ETFBKMT: variants seen among roughly 807,000 people sequenced by gnomAD.
ETFBKMT encodes electron transfer flavoprotein subunit beta lysine methyltransferase, also known as electron transfer flavoprotein beta subunit lysine methyltransferase.
Under a neutral mutation model 18.3 loss-of-function variants are expected in ETFBKMT, and 13 were observed. The observed-to-expected ratio is 0.71, with a 90% confidence interval of 0.46 to 1.13. ETFBKMT has a LOEUF of 1.13. Among genes scored for constraint, ETFBKMT ranks in the 50% most tolerant of loss-of-function variants. ETFBKMT has a pLI of 0.00. For synonymous variants in ETFBKMT, 84 were observed against 107.9 expected (o/e 0.78, Z 1.37); for missense variants, 293 against 306.2 (o/e 0.96, Z 0.32).
At position 31,662,275 on chromosome 12, in the gene ETFBKMT, C is replaced by T; in HGVS notation, c.314+8C>T. ...AGGCCAAGCCCTGTCTAGGTACTAC[C>T]CTAATGAAACCTTTAAGGCGCTACA... On this transcript the variant is annotated splice_region_variant and intron_variant, in intron 2 of 3. Coordinates refer to ENST00000357721, the MANE Select transcript of ETFBKMT (RefSeq NM_001135863.2). The T allele has an allele frequency of 6.2e-7, 1 of 1,612,072 alleles. No homozygotes were observed. The highest frequency in any genetic ancestry group is 1.1e-5 in the South Asian group (1 of 91,030).
At chr12:31,658,629 T>C (rs1165132290), upstream of ETFBKMT, among the ~76,000 whole-genome samples, 1 of 152,190 alleles carries the variant, frequency 6.6e-6, no homozygotes, top group African/African-American at 2.4e-5. Flanking sequence ...AACTGCAAAC[T>C]AAAATGCAGA....
chr12:31,665,125 T>A (rs1160577942), intron 2 of ETFBKMT, among the ~76,000 whole-genome samples: 1 of 143,366 alleles, frequency 7.0e-6, no homozygotes, highest in South Asian at 2.2e-4. Flanking sequence ...TTAGTAGAGA[T>A]GGGATTTCAC....
intron 2 of ETFBKMT, among the ~76,000 whole-genome samples, chr12:31,662,505 CTTTTTTT>C (rs35366747): frequency 5.0e-4 from 64 of 128,838 alleles, no homozygotes; most frequent in Admixed American, 4.9e-4. Context: ...TTCTTTCTTT[CTTTTTTT>C]TTTTTTTTTT....
upstream of ETFBKMT, among the ~76,000 whole-genome samples, chr12:31,655,867 G>A (rs1951057896): frequency 6.6e-6 from 1 of 152,176 alleles, no homozygotes; most frequent in South Asian, 2.1e-4. Flanking sequence ...AACCTGGATT[G>A]ATTGAGATTC....
rs757210818 is a variant in ETFBKMT at position 31,667,636 on chromosome 12, T to C, written c.446-11T>C. On this transcript the variant is annotated splice_polypyrimidine_tract_variant and intron_variant, in intron 3 of 3. Coordinates refer to ENST00000357721, the MANE Select transcript of ETFBKMT (RefSeq NM_001135863.2). Reference sequence around the variant, plus strand: ...TATACCAATTCATTTTGTGCTTTTTTTTTTTTTAAGTTGCAGGAATGGCTA... The same window carrying C: ...TATACCAATTCATTTTGTGCTTTTTCTTTTTTTAAGTTGCAGGAATGGCTA... 2 of 1,573,308 alleles carry C rather than the reference T, an allele frequency of 1.3e-6. No individual in the cohort carries two copies. Among genetic ancestry groups the C allele is most frequent in the Non-Finnish European group, 1.7e-6 (2 of 1,160,386 alleles).
intron 1 of ETFBKMT, among the ~76,000 whole-genome samples, chr12:31,647,425 C>T (rs146089617): frequency 3.9e-5 from 6 of 152,352 alleles, no homozygotes; most frequent in African/African-American, 1.4e-4. Context: ...CCCAACTCTA[C>T]TGCCAGCTAT....
chr12:31,672,402 T>C lies in ETFBKMT; in HGVS notation c.*4412T>C, dbSNP rs776362256. ...TCTATAAAAGAAAACAATGACAATA[T>C]ATTAATTGACAATAAAAAATGTTTA... On this transcript the variant is annotated 3_prime_UTR_variant, in exon 4 of 4. Coordinates refer to ENST00000357721, the MANE Select transcript of ETFBKMT (RefSeq NM_001135863.2). 2 of 1,483,950 alleles carry C rather than the reference T, an allele frequency of 1.3e-6. No homozygotes were observed. The highest frequency in any genetic ancestry group is 1.9e-5 in the Admixed American group (1 of 51,596). 91.9% of individuals were successfully genotyped at this position (1,483,950 alleles called of 1,614,324 possible).
At chr12:31,663,115 C>T (rs1951148755) in intron 2 of ETFBKMT, among the ~76,000 whole-genome samples, 1 of 151,010 alleles carries the variant, frequency 6.6e-6, no homozygotes, top group African/African-American at 2.4e-5. Flanking sequence ...TTTTTTGAGA[C>T]AGAGTCTCAC....
rs1292040838 is a variant in ETFBKMT, at chr12:31,666,161, C to T, written c.389C>T (p.Ala130Val). Residue 130 changes from alanine (A) to valine (V), a missense_variant, in exon 3 of 4, where the codon GCT (alanine) becomes GTT (valine). Coordinates refer to ENST00000357721, the MANE Select transcript of ETFBKMT (RefSeq NM_001135863.2). ...CTTGGGAGTGGATGTGGAGCTACAG[C>T]TATTGCTGCTAAGATGAGTGGGGCA... ...LDLGSGCGAT[A>V]IAAKMSGASR... The T allele has an allele frequency of 1.2e-6, 2 of 1,614,098 alleles. No homozygotes were observed. Among genetic ancestry groups the T allele is most frequent in the East Asian group, 2.2e-5 (1 of 44,886 alleles).
intron 2 of ETFBKMT, among the ~76,000 whole-genome samples, chr12:31,664,939 CTTT>C (rs57572915): frequency 1.6e-5 from 2 of 121,480 alleles, no homozygotes; most frequent in Non-Finnish European, 1.7e-5. Context: ...TTCTTTCTTT[CTTT>C]TTTTTTTTTT....
chr12:31,663,096 ATT>A (rs563592807), intron 2 of ETFBKMT, among the ~76,000 whole-genome samples: 3 of 147,220 alleles, frequency 2.0e-5, no homozygotes, highest in Non-Finnish European at 1.5e-5. Context: ...ACAAAAAAAA[ATT>A]TTTTTTTTTT....
At chr12:31,648,467 T>G (rs1950986044) in intron 1 of ETFBKMT, among the ~76,000 whole-genome samples, 2 of 151,392 alleles carry the variant, frequency 1.3e-5, no homozygotes, top group Admixed American at 6.6e-5. Context: ...GTTCAAGCGA[T>G]TCTCCTGCCT....
intron 2 of ETFBKMT, among the ~76,000 whole-genome samples, chr12:31,664,762 T>C (rs1177341621): frequency 1.3e-5 from 2 of 149,186 alleles, no homozygotes; most frequent in Non-Finnish European, 3.0e-5. Context: ...ATTACAGGCA[T>C]GTACCACCAC....
chr12:31,663,370 C>T (rs556529520), intron 2 of ETFBKMT, among the ~76,000 whole-genome samples: 3 of 151,688 alleles, frequency 2.0e-5, no homozygotes, highest in South Asian at 4.1e-4. Flanking sequence ...GGATTACAGG[C>T]GTGAGCCACC....
At chr12:31,655,676 A>C (rs1335244196), upstream of ETFBKMT, among the ~76,000 whole-genome samples, 1 of 152,214 alleles carries the variant, frequency 6.6e-6, no homozygotes, top group African/African-American at 2.4e-5. Flanking sequence ...CACTAATTAA[A>C]ATCTCACAAG....
At chr12:31,650,982 A>G (rs1951012749) in intron 1 of ETFBKMT, among the ~76,000 whole-genome samples, 1 of 152,134 alleles carries the variant, frequency 6.6e-6, no homozygotes, top group African/African-American at 2.4e-5. Context: ...GCAGTGAGAC[A>G]AGATGGTGGA....
chr12:31,650,801 G>T (rs1951010782), intron 1 of ETFBKMT, among the ~76,000 whole-genome samples: 1 of 152,118 alleles, frequency 6.6e-6, no homozygotes, highest in African/African-American at 2.4e-5. Flanking sequence ...AGGTACTTGA[G>T]AGACTGTCAT....
At chr12:31,649,284 C>T (rs1319608729) in intron 1 of ETFBKMT, among the ~76,000 whole-genome samples, 6 of 152,220 alleles carry the variant, frequency 3.9e-5, no homozygotes, top group African/African-American at 7.2e-5. Context: ...GTTGAATCTA[C>T]GGATGTGAAA....
intron 1 of ETFBKMT, among the ~76,000 whole-genome samples, chr12:31,652,921 G>A (rs1951029142): frequency 1.3e-5 from 2 of 152,198 alleles, no homozygotes; most frequent in African/African-American, 4.8e-5. Flanking sequence ...CTAAAGAAAT[G>A]TGCCAGGCCG....
Sources: allele counts gnomAD v4.1 joint callset (sites outside exome capture counted in the v4.1 genomes callset), GRCh38; gene constraint gnomAD v4.1.1; transcripts MANE v1.5; gene names NCBI Gene and HGNC (gene_info 2026-07-23, HGNC 2026-07-21).